LRP1B: variants seen among roughly 807,000 people sequenced by gnomAD.
LRP1B encodes the protein low-density lipoprotein receptor-related protein 1B.
LRP1B carries 217 observed loss-of-function variants against 556.6 expected under a neutral mutation model. That is an observed-to-expected ratio of 0.39 (90% CI 0.35 to 0.44). The LOEUF (loss-of-function observed/expected upper bound fraction) is 0.44. Among genes scored for constraint, LRP1B ranks in the 20% least tolerant of loss-of-function variants. LRP1B has a pLI of 1.00. For missense variants in LRP1B, 5,053 were observed against 5,620.8 expected (o/e 0.90, Z 3.23); for synonymous variants, 2,047 against 1,865.8 (o/e 1.10, Z -2.50).
intron 7 of LRP1B, among the ~76,000 whole-genome samples, chr2:141,077,529 A>G (rs1432677405): frequency 6.6e-6 from 1 of 152,164 alleles, no homozygotes; most frequent in Admixed American, 6.6e-5. Context: ...TCAAACACTA[A>G]TCTAGGTGCT....
intron 43 of LRP1B, among the ~76,000 whole-genome samples, chr2:140,570,202 A>G (rs906888119): frequency 2.0e-5 from 3 of 151,682 alleles, no homozygotes; most frequent in Non-Finnish European, 3.0e-5. Context: ...AATAAATGAA[A>G]TTGAAAATAA....
intron 71 of LRP1B, among the ~76,000 whole-genome samples, chr2:140,366,867 C>A (rs915843547): frequency 2.0e-5 from 3 of 151,572 alleles, no homozygotes; most frequent in Admixed American, 1.3e-4. Flanking sequence ...AGAACAGATC[C>A]CTGAACACAT....
intron 80 of LRP1B, among the ~76,000 whole-genome samples, chr2:140,324,913 A>AC (rs1483691225): frequency 4.0e-5 from 6 of 151,658 alleles, no homozygotes; most frequent in Non-Finnish European, 5.9e-5. Context: ...TTAAAAAAAA[A>AC]ACACACACAC....
intron 35 of LRP1B, among the ~76,000 whole-genome samples, chr2:140,768,869 T>C (rs746655387): frequency 5.3e-5 from 8 of 151,906 alleles, no homozygotes; most frequent in Non-Finnish European, 7.4e-5. Flanking sequence ...TTTTAGTATA[T>C]AATAGATCAA....
At chr2:140,916,716 A>G (rs541527928) in intron 21 of LRP1B, among the ~76,000 whole-genome samples, 5 of 152,366 alleles carry the variant, frequency 3.3e-5, no homozygotes, top group Non-Finnish European at 7.3e-5. Flanking sequence ...AAAAGGACAC[A>G]GTAAAAGTTG....
At chr2:140,395,490 G>A (rs542185825) in intron 66 of LRP1B, among the ~76,000 whole-genome samples, 3 of 152,174 alleles carry the variant, frequency 2.0e-5, no homozygotes, top group African/African-American at 7.2e-5. Context: ...CACTTACAGG[G>A]ACAACCTGTT....
At chr2:140,399,543 AT>A (rs1684404398) in intron 66 of LRP1B, among the ~76,000 whole-genome samples, 2 of 152,214 alleles carry the variant, frequency 1.3e-5, no homozygotes, top group African/African-American at 2.4e-5. Context: ...AGAAAAAAAA[AT>A]ATTGCTTATT....
Position 140,507,664 on chromosome 2 carries a change from G to A in LRP1B, c.8399-746C>T, listed in dbSNP as rs536475146. ...GAGAAAGAAAAAATTAATACCATAC[G>A]CATAGAATCATAAGAGGTTTGCAAG... On this transcript the variant is annotated intron_variant, in intron 52 of 90. Coordinates refer to ENST00000389484, the MANE Select transcript of LRP1B (RefSeq NM_018557.3). 8.6e-5 allele frequency among the ~76,000 whole-genome samples: 13 copies of A among 152,030 alleles called. 1 individual carries two copies. The highest frequency in any genetic ancestry group is 2.1e-4 in the South Asian group (1 of 4,828).
chr2:140,764,682 G>A (rs1382632239), intron 35 of LRP1B, among the ~76,000 whole-genome samples: 2 of 152,088 alleles, frequency 1.3e-5, no homozygotes, highest in East Asian at 3.9e-4. Flanking sequence ...AGAAAGTAGA[G>A]TTCCCATATA....
chr2:141,499,243 A>T (rs1329513847), intron 2 of LRP1B, among the ~76,000 whole-genome samples: 1 of 152,062 alleles, frequency 6.6e-6, no homozygotes, highest in Admixed American at 6.6e-5. Context: ...AGACCCAGAG[A>T]TAACTGTCTT....
chr2:141,731,700 C>T (rs968800682), intron 2 of LRP1B, among the ~76,000 whole-genome samples: 1 of 152,080 alleles, frequency 6.6e-6, no homozygotes. Flanking sequence ...CAGACTCCAC[C>T]ATCTACCAAC....
intron 41 of LRP1B, among the ~76,000 whole-genome samples, chr2:140,654,452 T>C (rs1239041968): frequency 1.3e-5 from 2 of 152,148 alleles, no homozygotes; most frequent in East Asian, 3.9e-4. Context: ...TATCAGTTAT[T>C]TTAAAGACTG....
At chr2:141,723,119 T>A (rs765855235) in intron 2 of LRP1B, among the ~76,000 whole-genome samples, 1 of 152,094 alleles carries the variant, frequency 6.6e-6, no homozygotes, top group Non-Finnish European at 1.5e-5. Flanking sequence ...CCAGCATGCT[T>A]TTCAAAATCG....
chr2:140,499,011 C>T (rs942409046), intron 55 of LRP1B, among the ~76,000 whole-genome samples: 1 of 151,848 alleles, frequency 6.6e-6, no homozygotes, highest in African/African-American at 2.4e-5. Context: ...TATGCGCACA[C>T]CTTGTGAAGG....
chr2:141,156,505 G>A (rs2105098870), intron 7 of LRP1B, among the ~76,000 whole-genome samples: 1 of 152,058 alleles, frequency 6.6e-6, no homozygotes, highest in Admixed American at 6.6e-5. Flanking sequence ...GTGGGTGCCT[G>A]TAATCCCAGC....
chr2:140,915,589 T>G (rs532746104), intron 21 of LRP1B, among the ~76,000 whole-genome samples: 1 of 151,096 alleles, frequency 6.6e-6, no homozygotes, highest in African/African-American at 2.4e-5. Flanking sequence ...GGGTTGGAGG[T>G]TGCAGTGAGC....
intron 2 of LRP1B, among the ~76,000 whole-genome samples, chr2:141,507,507 T>G (rs1683974877): frequency 6.6e-6 from 1 of 152,188 alleles, no homozygotes; most frequent in African/African-American, 2.4e-5. Flanking sequence ...CCATTAAAAC[T>G]AAATGCTAGA....
At position 140,583,162 on chromosome 2, in the gene LRP1B, C is replaced by CTTTT. The variant is rs1220644581; in HGVS notation, c.7194+15465_7194+15468dup. Among the ~76,000 whole-genome samples the CTTTT allele has an allele frequency of 1.6e-3, 177 of 107,760 alleles. 10 individuals carry two copies. The highest frequency in any genetic ancestry group is 4.8e-3 in the African/African-American group (118 of 24,674). The allele number at this position is 107,760 out of a possible 152,430, so 70.7% of individuals were successfully genotyped here. On this transcript the variant is annotated intron_variant, in intron 43 of 90. Coordinates refer to ENST00000389484, the MANE Select transcript of LRP1B (RefSeq NM_018557.3). ...TGAAAGTTTCTATTGACAGTTTCTCCTTTTTTTTCTTTTTTTTTTTTTTTT... is the reference window on the plus strand; with the variant it reads ...TGAAAGTTTCTATTGACAGTTTCTCCTTTTTTTTTTTTCTTTTTTTTTTTTTTTT...
chr2:141,350,991 T>A (rs938472948), intron 3 of LRP1B, among the ~76,000 whole-genome samples: 2 of 152,010 alleles, frequency 1.3e-5, no homozygotes, highest in East Asian at 1.9e-4. Context: ...GACAAGAATT[T>A]AAAAAAATTT....
Sources: gnomAD v4.1 joint callset for allele counts (sites outside exome capture counted in the v4.1 genomes callset) on GRCh38, gnomAD v4.1.1 for gene constraint, MANE v1.5 for transcripts, NCBI Gene and HGNC (gene_info 2026-07-23, HGNC 2026-07-21) for gene names.